Variants in GNG11 observed in about 807,000 individuals in gnomAD.
The protein encoded by GNG11 is G protein subunit gamma 11.
Under a neutral mutation model 7.4 loss-of-function variants are expected in GNG11, and 6 were observed. That is an observed-to-expected ratio of 0.81 (90% CI 0.44 to 1.60). GNG11 has a LOEUF of 1.60. GNG11 is among the 40% of genes most tolerant of loss of function. The pLI, the probability that GNG11 is intolerant of heterozygous loss-of-function variation, is 0.01. For synonymous variants in GNG11, 31 were observed against 25.9 expected (o/e 1.20, Z -0.60); for missense variants, 65 against 83.0 (o/e 0.78, Z 0.84).
chr7:93,925,016 T>G (rs1271102627), intron 1 of GNG11, among the ~76,000 whole-genome samples: 1 of 151,972 alleles, frequency 6.6e-6, no homozygotes, highest in Non-Finnish European at 1.5e-5. Flanking sequence ...TACAAAAAAT[T>G]AGCCAGGCGT....
At chr7:93,924,414 G>A (rs980158501) in intron 1 of GNG11, among the ~76,000 whole-genome samples, 1 of 152,168 alleles carries the variant, frequency 6.6e-6, no homozygotes, top group Admixed American at 6.5e-5. Context: ...ATTATGACAC[G>A]TGCATTATCA....
In GNG11 at chr7:93,928,103, C is replaced by T. The variant is rs991441141; in HGVS notation, c.*1887C>T. 1.3e-5 allele frequency: 2 copies of T among 149,404 alleles called. No homozygotes were observed. The highest frequency in any genetic ancestry group is 2.9e-5 in the Non-Finnish European group (2 of 68,010). 9.3% of individuals were successfully genotyped at this position (149,404 alleles called of 1,614,324 possible). ...GTTACTGGCAAGGCAGTTTAAATCA[C>T]CTGCTTCTTTCATGAAAGGCCAAGA... is the stretch of plus-strand genomic sequence containing the variant. On this transcript the variant is annotated 3_prime_UTR_variant, in exon 2 of 2. Coordinates refer to ENST00000248564, the MANE Select transcript of GNG11 (RefSeq NM_004126.4).
rs1794680109 is a variant in GNG11, at chr7:93,926,386, C to T, written c.*170C>T. On this transcript the variant is annotated 3_prime_UTR_variant, in exon 2 of 2. Transcript: ENST00000248564. Reference sequence around the variant, plus strand: ...AGCATATGTGCTACTCATCTTTGCTCACTATGCAGTCTTTTTTAAGAGAGC... The same window carrying T: ...AGCATATGTGCTACTCATCTTTGCTTACTATGCAGTCTTTTTTAAGAGAGC... 2 of 428,580 alleles carry T rather than the reference C, an allele frequency of 4.7e-6. No homozygotes were observed. The highest frequency in any genetic ancestry group is 4.0e-5 in the African/African-American group (2 of 49,514). The allele number at this position is 428,580 out of a possible 1,614,324, so 26.5% of individuals were successfully genotyped here.
At position 93,922,019 on chromosome 7, in the gene GNG11, A is replaced by G. The variant is rs529866619; in HGVS notation, c.-119A>G. On this transcript the variant is annotated 5_prime_UTR_variant, in exon 1 of 2. Transcript: ENST00000248564. ...TGGGGACCGCAGCAGGGCTGCAGTCACATCCTGCGCGGGTGGGCGGCGGGC... is the reference window on the plus strand; with the variant it reads ...TGGGGACCGCAGCAGGGCTGCAGTCGCATCCTGCGCGGGTGGGCGGCGGGC... 2.3e-5 allele frequency: 13 copies of G among 577,670 alleles called. No homozygotes were observed. In the East Asian group the frequency reaches 4.0e-4, roughly 18 times the overall value. The allele number at this position is 577,670 out of a possible 1,614,324, so 35.8% of individuals were successfully genotyped here.
chr7:93,925,677 TTAAAA>T (rs1176015448), intron 1 of GNG11, among the ~76,000 whole-genome samples: 3 of 152,090 alleles, frequency 2.0e-5, no homozygotes, highest in African/African-American at 7.2e-5. Context: ...GCATGGAAAA[TTAAAA>T]TAAGAGTATA....
In GNG11 at chr7:93,921,911, A is replaced by G; in HGVS notation, c.-227A>G. ...GCCTCCTGGGTTGCAGGGACTTGAG[A>G]AAAGGCAGAGTTCTCAGGTCCTAGG... On this transcript the variant is annotated 5_prime_UTR_variant, in exon 1 of 2. Transcript: ENST00000248564. 1 of 407,858 alleles carries G rather than the reference A, an allele frequency of 2.5e-6. No individual in the cohort carries two copies. The highest frequency in any genetic ancestry group is 4.4e-6 in the Non-Finnish European group (1 of 225,740). The allele number at this position is 407,858 out of a possible 1,614,324, so 25.3% of individuals were successfully genotyped here.
intron 1 of GNG11, among the ~76,000 whole-genome samples, chr7:93,925,083 GA>G (rs1157514412): frequency 6.6e-6 from 1 of 152,192 alleles, no homozygotes; most frequent in Non-Finnish European, 1.5e-5. Context: ...AGAATGGCTA[GA>G]ATCCGGGAGG....
chr7:93,922,113 G>C lies in GNG11; in HGVS notation c.-25G>C. 1 of 1,504,280 alleles carries C rather than the reference G, an allele frequency of 6.6e-7. No homozygotes were observed. The highest frequency in any genetic ancestry group is 9.1e-7 in the Non-Finnish European group (1 of 1,093,396). The allele number at this position is 1,504,280 out of a possible 1,614,324, so 93.2% of individuals were successfully genotyped here. A position where few individuals can be genotyped will look rare whatever the true frequency, so the allele number is the denominator to read the frequency against. ...TCCAGCGGCTCCGCTGCCAGAGCTA[G>C]CCCGAGCCCGGTTCTGGGGCGAAAA... On this transcript the variant is annotated 5_prime_UTR_variant, in exon 1 of 2. Coordinates refer to ENST00000248564, the MANE Select transcript of GNG11 (RefSeq NM_004126.4).
chr7:93,924,905 C>G (rs1794654838), intron 1 of GNG11, among the ~76,000 whole-genome samples: 1 of 152,204 alleles, frequency 6.6e-6, no homozygotes, highest in South Asian at 2.1e-4. Context: ...TGTCCCACGC[C>G]TGTAATCCCA....
chr7:93,925,962 C>CAT (rs1459915818), intron 1 of GNG11, 129 bp from the exon 2 acceptor site: 26 of 336,868 alleles, frequency 7.7e-5, no homozygotes, highest in African/African-American at 1.1e-4. Flanking sequence ...CACACATGCA[C>CAT]ATATATATGT....
rs138238202 is a variant in GNG11, at chr7:93,923,230, T to G, written c.96+997T>G. ...ATAATATGCTCACTTGCCTTCCTGT[T>G]CTAGTTATAATAAATCTGTTAAGGG... On this transcript the variant is annotated intron_variant, in intron 1 of 1. Coordinates refer to ENST00000248564, the MANE Select transcript of GNG11 (RefSeq NM_004126.4). Among the ~76,000 whole-genome samples, 377 of 152,338 alleles carry G rather than the reference T, an allele frequency of 2.5e-3. 1 individual carries two copies. Among genetic ancestry groups the G allele is most frequent in the African/African-American group, 8.8e-3 (366 of 41,576 alleles).
chr7:93,923,551 A>G (rs1182710230), intron 1 of GNG11, among the ~76,000 whole-genome samples: 1 of 152,230 alleles, frequency 6.6e-6, no homozygotes, highest in African/African-American at 2.4e-5. Flanking sequence ...CTGGCCACTT[A>G]GATATGTTCA....
At chr7:93,925,403 A>T (rs1198376250) in intron 1 of GNG11, among the ~76,000 whole-genome samples, 1 of 152,152 alleles carries the variant, frequency 6.6e-6, no homozygotes, top group African/African-American at 2.4e-5. Context: ...TCCATCTCAG[A>T]AAAAAATTTA....
chr7:93,922,347 T>A, intron 1 of GNG11, 114 bp downstream of exon 1: 1 of 589,464 alleles, frequency 1.7e-6, no homozygotes, highest in Non-Finnish European at 3.0e-6. Context: ...TTTTTGTAGC[T>A]TCTCTTCTCA....
rs190849666 is a variant in GNG11 at position 93,923,596 on chromosome 7, G to A, written c.96+1363G>A. ...CCTTAGGAGTTACATATTAAACAGA[G>A]TTTCATATGCTGAAGTACAGCATTG... On this transcript the variant is annotated intron_variant, in intron 1 of 1. Transcript: ENST00000248564. Among the ~76,000 whole-genome samples the A allele has an allele frequency of 3.3e-3, 498 of 152,272 alleles. 3 individuals carry two copies. The highest frequency in any genetic ancestry group is 4.4e-3 in the Non-Finnish European group (302 of 68,024).
rs755734434 is a variant in GNG11 at position 93,926,061 on chromosome 7, A to G, written c.97-30A>G. 5 of 1,384,582 alleles carry G rather than the reference A, an allele frequency of 3.6e-6. No individual in the cohort carries two copies. In the African/African-American group the frequency reaches 7.3e-5, roughly 20 times the overall value. The allele number at this position is 1,384,582 out of a possible 1,614,324, so 85.8% of individuals were successfully genotyped here. A position where few individuals can be genotyped will look rare whatever the true frequency, so the allele number is the denominator to read the frequency against. The stretch of plus-strand genomic sequence containing the variant: ...GACAAAGTTTAAACAACCCTAACCT[A>G]ATGTATTCTCTTTTTTTTCTATACT... On this transcript the variant is annotated intron_variant, in intron 1 of 1. Transcript: ENST00000248564.
At chr7:93,922,458 C>G (rs1019189371) in intron 1 of GNG11, among the ~76,000 whole-genome samples, 2 of 152,016 alleles carry the variant, frequency 1.3e-5, no homozygotes, top group Non-Finnish European at 2.9e-5. Context: ...GGCCAAATGT[C>G]CTAACTTTTA....
Position 93,928,131 on chromosome 7 carries a change from A to T in GNG11, c.*1915A>T, listed in dbSNP as rs982522193. ...GCTTCTTTCATGAAAGGCCAAGACA[A>T]TACATTTATTCCCTAACTTGTTGGG... is the stretch of plus-strand genomic sequence containing the variant. On this transcript the variant is annotated 3_prime_UTR_variant, in exon 2 of 2. Coordinates refer to ENST00000248564, the MANE Select transcript of GNG11 (RefSeq NM_004126.4). 32 of 149,414 alleles carry T rather than the reference A, an allele frequency of 2.1e-4. 1 individual carries two copies. Among genetic ancestry groups the T allele is most frequent in the African/African-American group, 8.0e-4 (31 of 38,796 alleles). The allele number at this position is 149,414 out of a possible 1,614,324, so 9.3% of individuals were successfully genotyped here.
intron 1 of GNG11, 53 bp from the exon 2 acceptor site, chr7:93,926,038 C>T: frequency 8.7e-7 from 1 of 1,155,246 alleles, no homozygotes; most frequent in Non-Finnish European, 1.2e-6. Context: ...GGCGTAGGGA[C>T]AAAGTTTAAA....
Sources: allele counts gnomAD v4.1 joint callset (sites outside exome capture counted in the v4.1 genomes callset), GRCh38; gene constraint gnomAD v4.1.1; transcripts MANE v1.5; gene names NCBI Gene and HGNC (gene_info 2026-07-23, HGNC 2026-07-21).